EYS: variants seen among roughly 807,000 people sequenced by gnomAD.
EYS encodes protein eyes shut homolog.
In EYS, 250 loss-of-function variants were observed where a neutral mutation model predicts 282.1. The ratio of observed to expected loss-of-function variants is 0.89; its 90% CI spans 0.80 to 0.98. The LOEUF (loss-of-function observed/expected upper bound fraction) is 0.98. EYS is among the 50% of genes least tolerant of loss of function. EYS has a pLI of 0.00. For missense variants in EYS, 4,016 were observed against 3,709.0 expected, an observed-to-expected ratio of 1.08 and a Z score of -2.15; for synonymous variants, 1,355 against 1,282.9, an observed-to-expected ratio of 1.06 and a Z score of -1.20.
At chr6:64,040,601 AG>A (rs1770344508) in intron 33 of EYS, among the ~76,000 whole-genome samples, 2 of 152,256 alleles carry the variant, frequency 1.3e-5, no homozygotes, top group East Asian at 3.8e-4. Flanking sequence ...TAAGATAAAA[AG>A]TATTAGTTTA....
chr6:64,695,587 CTTTT>C (rs70999162), intron 22 of EYS, among the ~76,000 whole-genome samples: 1 of 141,852 alleles, frequency 7.0e-6, no homozygotes, highest in Non-Finnish European at 1.5e-5. Flanking sequence ...TTTCTTTTAA[CTTTT>C]TTTTTTTTTT....
chr6:64,344,495 C>A (rs1169833781), intron 29 of EYS, among the ~76,000 whole-genome samples: 2 of 152,016 alleles, frequency 1.3e-5, no homozygotes, highest in Non-Finnish European at 2.9e-5. Flanking sequence ...AGGCCTTTGA[C>A]AAAATTCAAC....
chr6:64,834,321 AG>A (rs1765317084), intron 19 of EYS, among the ~76,000 whole-genome samples: 1 of 151,930 alleles, frequency 6.6e-6, no homozygotes, highest in Non-Finnish European at 1.5e-5. Context: ...AAGAGGTTAA[AG>A]TTTAAACATA....
chr6:65,262,520 A>G (rs1251999371), intron 12 of EYS, among the ~76,000 whole-genome samples: 1 of 152,056 alleles, frequency 6.6e-6, no homozygotes, highest in South Asian at 2.1e-4. Flanking sequence ...CTGGGTAACT[A>G]CAAGAGTGAT....
chr6:64,410,699 T>G (rs2150443274), intron 28 of EYS, among the ~76,000 whole-genome samples: 1 of 152,302 alleles, frequency 6.6e-6, no homozygotes, highest in Non-Finnish European at 1.5e-5. Flanking sequence ...TCTTTGTCTT[T>G]TAGAGTAATA....
chr6:64,901,189 A>G (rs903282557), intron 18 of EYS, among the ~76,000 whole-genome samples: 4 of 151,312 alleles, frequency 2.6e-5, no homozygotes, highest in Admixed American at 6.6e-5. Context: ...GAGTTGCCCA[A>G]TGAGAACACA....
At chr6:63,960,875 T>A (rs1327585307) in intron 35 of EYS, among the ~76,000 whole-genome samples, 1 of 152,236 alleles carries the variant, frequency 6.6e-6, no homozygotes. Context: ...AAAAATTTCA[T>A]CTGCTCATTT....
At position 64,590,431 on chromosome 6, in the gene EYS, T is replaced by C. The variant is rs1376017497; in HGVS notation, c.5436A>G (p.Val1812=). ...TAAAATATGGCCAATCTGGCCTAAT[T>C]ACAGACATGGAGGAAGACGTCTGTA... The part of the protein sequence containing the change: ...LSIQTSSSMS[V]IRPDWPYFTD... The change falls in exon 26 of 43, where the codon GTA becomes GTG. Residue 1812 remains valine, a synonymous_variant. Coordinates refer to ENST00000503581, the MANE Select transcript of EYS (RefSeq NM_001142800.2). 6.4e-7 allele frequency: 1 copy of C among 1,551,444 alleles called. No individual in the cohort carries two copies. The highest frequency in any genetic ancestry group is 2.0e-5 in the Admixed American group (1 of 50,978).
intron 26 of EYS, among the ~76,000 whole-genome samples, chr6:64,537,497 C>T (rs953781553): frequency 6.6e-6 from 1 of 151,968 alleles, no homozygotes. Flanking sequence ...TTTAAAAAGT[C>T]CATTTTGTTG....
intron 22 of EYS, among the ~76,000 whole-genome samples, chr6:64,662,959 C>T (rs1181534433): frequency 6.6e-6 from 1 of 152,138 alleles, no homozygotes; most frequent in African/African-American, 2.4e-5. Flanking sequence ...TATATCTAAA[C>T]ACACAACTAC....
chr6:64,706,044 G>A (rs1306649987), intron 22 of EYS, among the ~76,000 whole-genome samples: 2 of 149,896 alleles, frequency 1.3e-5, no homozygotes, highest in Non-Finnish European at 3.0e-5. Flanking sequence ...CAAATCTGGA[G>A]GCATCACATT....
chr6:65,323,334 G>T (rs867907862), intron 11 of EYS, among the ~76,000 whole-genome samples: 1 of 145,976 alleles, frequency 6.9e-6, no homozygotes, highest in Middle Eastern at 3.3e-3. Flanking sequence ...ATAAAAGCTG[G>T]CACATATTTA....
At chr6:64,946,573 T>C (rs1466582588) in intron 14 of EYS, among the ~76,000 whole-genome samples, 3 of 151,960 alleles carry the variant, frequency 2.0e-5, no homozygotes, top group African/African-American at 7.2e-5. Flanking sequence ...AATAGAGCTC[T>C]TGTCAAAATT....
chr6:64,451,619 T>C (rs1030545756), intron 26 of EYS, among the ~76,000 whole-genome samples: 2 of 152,138 alleles, frequency 1.3e-5, no homozygotes, highest in African/African-American at 4.8e-5. Context: ...AATAAAATAC[T>C]GGCAAACCGA....
chr6:65,222,069 T>G (rs1766481011), intron 12 of EYS, among the ~76,000 whole-genome samples: 1 of 152,180 alleles, frequency 6.6e-6, no homozygotes, highest in Admixed American at 6.5e-5. Context: ...TTGCTTTTGA[T>G]TTTTCAGCAT....
intron 29 of EYS, among the ~76,000 whole-genome samples, chr6:64,330,450 G>C (rs145542205): frequency 1.8e-3 from 270 of 152,286 alleles, no homozygotes; most frequent in African/African-American, 6.3e-3. Flanking sequence ...GAAAAGAGCA[G>C]GACACGGCCT....
In EYS at chr6:64,945,441, G is replaced by A. The variant is rs192195295; in HGVS notation, c.2381+352C>T. Among the ~76,000 whole-genome samples the A allele has an allele frequency of 3.1e-3, 477 of 152,056 alleles. 2 individuals are homozygous for A. Among genetic ancestry groups the A allele is most frequent in the African/African-American group, 9.9e-3 (412 of 41,512 alleles). On this transcript the variant is annotated intron_variant, in intron 15 of 42. Transcript: ENST00000503581. ...AAAAAATTGGAAGTTTTAATTTAGCGGACTCACTCCTTTCTTGTCAGAGTG... is the reference window on the plus strand; with the variant it reads ...AAAAAATTGGAAGTTTTAATTTAGCAGACTCACTCCTTTCTTGTCAGAGTG...
rs372563248 is a variant in EYS at position 64,946,050 on chromosome 6, C to T, written c.2260-136G>A. On this transcript the variant is annotated intron_variant, in intron 14 of 42. Transcript: ENST00000503581. ...GTTTTATAGAATGCCAATACTCCCC[C>T]CAAATGACTTTTACCACATTTTTAA... 7.1e-4 allele frequency: 433 copies of T among 610,430 alleles called. 1 individual carries two copies. In the African/African-American group the frequency reaches 7.3e-3, roughly 10 times the overall value. 37.8% of individuals were successfully genotyped at this position (610,430 alleles called of 1,614,324 possible).
At chr6:64,476,883 G>T (rs9351272) in intron 26 of EYS, among the ~76,000 whole-genome samples, 1 of 151,858 alleles carries the variant, frequency 6.6e-6, no homozygotes, top group Non-Finnish European at 1.5e-5. Context: ...TCATCGACTT[G>T]ATGTTGTTTA....
Sources: allele counts gnomAD v4.1 joint callset (sites outside exome capture counted in the v4.1 genomes callset), GRCh38; gene constraint gnomAD v4.1.1; transcripts MANE v1.5; gene names NCBI Gene and HGNC (gene_info 2026-07-23, HGNC 2026-07-21).